SPAG9: variants seen among roughly 807,000 people sequenced by gnomAD.
SPAG9 encodes C-Jun-amino-terminal kinase-interacting protein 4.
A neutral mutation model predicts 166.5 loss-of-function variants in SPAG9; 35 were observed. That is an observed-to-expected ratio of 0.21 (90% CI 0.16 to 0.28). The LOEUF (loss-of-function observed/expected upper bound fraction) is 0.28. SPAG9 is among the 10% of genes least tolerant of loss of function. SPAG9 has a pLI of 1.00. For missense variants in SPAG9, 1,235 were observed against 1,603.3 expected, an observed-to-expected ratio of 0.77 and a Z score of 3.92; for synonymous variants, 534 against 565.5, an observed-to-expected ratio of 0.94 and a Z score of 0.79.
intron 6 of SPAG9, among the ~76,000 whole-genome samples, chr17:51,022,142 A>T (rs1056701036): frequency 6.7e-6 from 1 of 150,298 alleles, no homozygotes; most frequent in Non-Finnish European, 1.5e-5. Flanking sequence ...AAAAAAAAAA[A>T]GCGGGGAGAG....
At chr17:51,036,018 G>A (rs2046571674) in intron 5 of SPAG9, among the ~76,000 whole-genome samples, 2 of 152,138 alleles carry the variant, frequency 1.3e-5, no homozygotes, top group South Asian at 2.1e-4. Context: ...TCTCAGCAAC[G>A]AAGGAGATCT....
intron 6 of SPAG9, among the ~76,000 whole-genome samples, chr17:51,030,418 A>T (rs1002862793): frequency 2.6e-5 from 4 of 152,178 alleles, no homozygotes; most frequent in African/African-American, 9.6e-5. Context: ...AAAACTACAA[A>T]CAAGTAACTA....
At chr17:51,060,505 TAAA>T (rs35700642) in intron 2 of SPAG9, among the ~76,000 whole-genome samples, 113 of 101,488 alleles carry the variant, frequency 1.1e-3, no homozygotes, top group African/African-American at 3.7e-3. Flanking sequence ...TTTGTCTTTT[TAAA>T]AAAAAAAAAA....
At chr17:51,003,637 T>C (rs1233988427) in intron 12 of SPAG9, among the ~76,000 whole-genome samples, 1 of 152,166 alleles carries the variant, frequency 6.6e-6, no homozygotes. Flanking sequence ...CAAGGGAACA[T>C]GGCTCAAGTC....
rs985715254 is a variant in SPAG9 at position 50,982,824 on chromosome 17, C to A, written c.3089-152G>T. 59 of 756,082 alleles carry A rather than the reference C, an allele frequency of 7.8e-5. No homozygotes were observed. The African/African-American group carries it at 9.3e-4, about 12-fold the overall frequency. The allele number at this position is 756,082 out of a possible 1,614,324, so 46.8% of individuals were successfully genotyped here. On this transcript the variant is annotated intron_variant, in intron 24 of 29. Coordinates refer to ENST00000262013, the MANE Select transcript of SPAG9 (RefSeq NM_001130528.3). ...ATATCTTTTATTTGCAGCCTGGGTT[C>A]TTTTATTCCATAAGCTGCAAAGTTG...
chr17:50,990,655 T>C lies in SPAG9; in HGVS notation c.2412A>G (p.Thr804=). Residue 804 remains threonine, a synonymous_variant, in exon 20 of 30, where the codon ACA becomes ACG. Coordinates refer to ENST00000262013, the MANE Select transcript of SPAG9 (RefSeq NM_001130528.3). ...CIASVPGARE[T]DYPAGEDLSE... ...AAAGATCTTCTCCTGCAGGGTAGTC[T>C]GTTTCTCGTGCACCTGAAAAATAAA... 6.2e-7 allele frequency: 1 copy of C among 1,613,958 alleles called. No homozygotes were observed. Among genetic ancestry groups the C allele is most frequent in the Non-Finnish European group, 8.5e-7 (1 of 1,179,798 alleles).
intron 6 of SPAG9, among the ~76,000 whole-genome samples, chr17:51,030,124 T>C (rs1472408475): frequency 6.6e-6 from 1 of 152,220 alleles, no homozygotes; most frequent in East Asian, 1.9e-4. Flanking sequence ...ATATTTTCAG[T>C]TGTTCCATTT....
intron 1 of SPAG9, among the ~76,000 whole-genome samples, chr17:51,108,384 CT>C (rs2049013515): frequency 1.1e-5 from 1 of 94,432 alleles, no homozygotes; most frequent in African/African-American, 3.7e-5. Context: ...GAAAGACTGT[CT>C]CAAAAAAAAA....
chr17:51,043,159 G>A (rs2046904176), intron 4 of SPAG9, among the ~76,000 whole-genome samples: 1 of 152,110 alleles, frequency 6.6e-6, no homozygotes, highest in South Asian at 2.1e-4. Context: ...CAAAGTGCTA[G>A]GATTACAGGT....
chr17:50,978,633 C>T (rs1352634433), intron 26 of SPAG9, among the ~76,000 whole-genome samples: 9 of 152,022 alleles, frequency 5.9e-5, no homozygotes, highest in African/African-American at 1.7e-4. Context: ...TATGACAGGA[C>T]CTAAATGGTC....
intron 4 of SPAG9, chr17:51,042,510 T>C (rs1023701298): frequency 4.6e-5 from 7 of 152,172 alleles, no homozygotes; most frequent in African/African-American, 1.7e-4. Context: ...TAGAAAGAAA[T>C]GATACACTAA....
intron 1 of SPAG9, among the ~76,000 whole-genome samples, chr17:51,109,293 G>A (rs1164071816): frequency 5.3e-5 from 8 of 150,578 alleles, no homozygotes; most frequent in Non-Finnish European, 7.4e-5. Context: ...CTGGAGTGCC[G>A]TGGCACGATC....
intron 3 of SPAG9, among the ~76,000 whole-genome samples, chr17:51,049,363 CA>C (rs982451903): frequency 1.9e-3 from 249 of 132,166 alleles, no homozygotes; most frequent in African/African-American, 6.4e-3. Context: ...TGAGACCCCT[CA>C]AAAAAAAAAA....
intron 3 of SPAG9, among the ~76,000 whole-genome samples, chr17:51,053,129 T>C (rs1355601486): frequency 6.6e-6 from 1 of 151,554 alleles, no homozygotes; most frequent in Non-Finnish European, 1.5e-5. Flanking sequence ...TAAAAAAGAT[T>C]AGAGCTTCAT....
At chr17:51,046,706 A>C in intron 4 of SPAG9, 1 of 1,535,928 alleles carries the variant, frequency 6.5e-7, no homozygotes, top group Non-Finnish European at 8.7e-7. Context: ...GGAGGCCTAC[A>C]CGGGGGCCAA....
intron 22 of SPAG9, among the ~76,000 whole-genome samples, chr17:50,986,037 CA>C (rs1220011106): frequency 6.6e-6 from 1 of 152,226 alleles, no homozygotes; most frequent in Non-Finnish European, 1.5e-5. Context: ...CAGTCAGGTT[CA>C]CACACTTAGT....
chr17:51,105,372 G>A (rs539463334), intron 1 of SPAG9, among the ~76,000 whole-genome samples: 1 of 152,284 alleles, frequency 6.6e-6, no homozygotes, highest in Non-Finnish European at 1.5e-5. Flanking sequence ...CATCAAGTAT[G>A]AGAAGGAATA....
At chr17:50,995,750 C>A (rs748042527) in intron 16 of SPAG9, 47 of 501,488 alleles carry the variant, frequency 9.4e-5, no homozygotes, top group Non-Finnish European at 1.4e-4. Flanking sequence ...CAGCCTCAAT[C>A]TGTCAGGCTT....
intron 15 of SPAG9, 114 bp from the exon 16 acceptor site, chr17:50,996,808 T>G: frequency 9.8e-7 from 1 of 1,017,986 alleles, no homozygotes; most frequent in Non-Finnish European, 1.4e-6. Context: ...TTACATGATT[T>G]CAAATTAGTT....
Sources: gnomAD v4.1 joint callset for allele counts (sites outside exome capture counted in the v4.1 genomes callset) on GRCh38, gnomAD v4.1.1 for gene constraint, MANE v1.5 for transcripts, NCBI Gene and HGNC (gene_info 2026-07-23, HGNC 2026-07-21) for gene names.